Variants in MYOF observed in about 807,000 individuals in gnomAD.
The protein encoded by MYOF is fer-1-like 3, myoferlin.
A neutral mutation model predicts 284.2 loss-of-function variants in MYOF; 244 were observed. The observed-to-expected ratio is 0.86, with a 90% confidence interval of 0.77 to 0.95. The LOEUF (loss-of-function observed/expected upper bound fraction) is 0.95, where lower values mean the gene tolerates loss of function less well. Ranked by LOEUF, MYOF falls within the 40% of genes least tolerant of loss-of-function variation. The pLI, the probability that MYOF is intolerant of heterozygous loss-of-function variation, is 0.00. For missense variants in MYOF, 2,496 were observed against 2,560.6 expected (o/e 0.97, Z 0.54); for synonymous variants, 904 against 919.7 (o/e 0.98, Z 0.31).
chr10:93,443,944 A>G (rs72819022), intron 3 of MYOF, among the ~76,000 whole-genome samples: 21,334 of 152,216 alleles, frequency 0.14, 1,616 homozygotes, highest in Middle Eastern at 0.2. Context: ...GCCTGGCTCC[A>G]GAATCCCAAC....
chr10:93,354,028 T>C (rs1009378407), intron 31 of MYOF, 140 bp from the exon 32 acceptor site: 1 of 615,504 alleles, frequency 1.6e-6, no homozygotes, highest in Non-Finnish European at 2.7e-6. Flanking sequence ...AAAGAGCACA[T>C]AGAATAGTGA....
chr10:93,446,382 A>G (rs1341612610), intron 3 of MYOF, among the ~76,000 whole-genome samples: 1 of 152,216 alleles, frequency 6.6e-6, no homozygotes, highest in Non-Finnish European at 1.5e-5. Context: ...GTTACCGGGA[A>G]ATTAACTATT....
rs1011456422 is a variant in MYOF at position 93,482,287 on chromosome 10, C to G, written c.-93G>C. ...CGCACCGCCCTGGGAGAGAAGTTCTCTCCCAGTGAAGGGAGGATTTCTCCC... is the reference window on the plus strand; with the variant it reads ...CGCACCGCCCTGGGAGAGAAGTTCTGTCCCAGTGAAGGGAGGATTTCTCCC... On this transcript the variant is annotated 5_prime_UTR_variant, in exon 1 of 54. Coordinates refer to ENST00000359263, the MANE Select transcript of MYOF (RefSeq NM_013451.4). 1.8e-6 allele frequency: 2 copies of G among 1,083,104 alleles called. No homozygotes were observed. Among genetic ancestry groups the G allele is most frequent in the Admixed American group, 2.1e-5 (1 of 47,040 alleles). 67.1% of individuals were successfully genotyped at this position (1,083,104 alleles called of 1,614,324 possible).
chr10:93,467,251 G>C (rs1049594784), intron 1 of MYOF, among the ~76,000 whole-genome samples: 3 of 151,328 alleles, frequency 2.0e-5, no homozygotes, highest in Non-Finnish European at 4.4e-5. Context: ...GTGCCATGTT[G>C]GTGTGCTGCA....
intron 39 of MYOF, among the ~76,000 whole-genome samples, chr10:93,338,999 A>C: frequency 6.7e-6 from 1 of 150,184 alleles, no homozygotes. Context: ...AAGAAGGGAC[A>C]AGAAAGGCTA....
chr10:93,434,808 A>G (rs960151001), intron 3 of MYOF, among the ~76,000 whole-genome samples: 1 of 152,064 alleles, frequency 6.6e-6, no homozygotes, highest in Non-Finnish European at 1.5e-5. Flanking sequence ...TTTTTACAGG[A>G]GTATTTTTTT....
intron 24 of MYOF, 58 bp downstream of exon 24, chr10:93,372,872 C>T: frequency 1.9e-6 from 3 of 1,592,044 alleles, no homozygotes; most frequent in Non-Finnish European, 2.6e-6. Flanking sequence ...GCAGACCCTT[C>T]TCAGGAATAC....
chr10:93,319,879 G>A lies in MYOF; in HGVS notation c.5591C>T (p.Ala1864Val), dbSNP rs146626145. ...GCATATTTCAGAGCTCACTTTTTTC[G>A]CAACGATACAGAGTTGTTCGGCTGG... is the stretch of plus-strand genomic sequence containing the variant. Reference protein sequence around the residue: ...YLPAEQLCIVAKKEHFWSIDQ... With the variant: ...YLPAEQLCIVVKKEHFWSIDQ... Residue 1864 changes from alanine to valine, a missense_variant, in exon 49 of 54, where the codon GCG (alanine) becomes GTG (valine). Physicochemically the swap from Ala to Val is moderately conservative, Grantham distance 64. Around this residue, in one of 3 missense-constraint regions of MYOF, gnomAD observed 2,436 missense variants for 2,480.7 expected, o/e 0.98. Transcript: ENST00000359263. 3.1e-3 allele frequency: 4,962 copies of A among 1,613,702 alleles called. 15 individuals carry two copies. The highest frequency in any genetic ancestry group is 4.8e-3 in the Middle Eastern group (29 of 6,058).
At chr10:93,391,601 A>AT (rs1262517866) in intron 17 of MYOF, among the ~76,000 whole-genome samples, 2 of 151,652 alleles carry the variant, frequency 1.3e-5, no homozygotes, top group Non-Finnish European at 2.9e-5. Context: ...ATCTCAGAAA[A>AT]AAAAAAGAAA....
intron 50 of MYOF, among the ~76,000 whole-genome samples, chr10:93,316,301 C>A (rs1842608226): frequency 6.6e-6 from 1 of 151,010 alleles, no homozygotes; most frequent in Non-Finnish European, 1.5e-5. Flanking sequence ...GCCCTTACCA[C>A]AGAGGAGAAT....
At chr10:93,411,277 G>A (rs551451658) in intron 5 of MYOF, among the ~76,000 whole-genome samples, 1 of 152,284 alleles carries the variant, frequency 6.6e-6, no homozygotes, top group African/African-American at 2.4e-5. Context: ...CAAGATCAAG[G>A]CACCGGCGGA....
At chr10:93,417,541 G>A (rs912837371) in intron 5 of MYOF, among the ~76,000 whole-genome samples, 2 of 151,972 alleles carry the variant, frequency 1.3e-5, no homozygotes, top group African/African-American at 4.8e-5. Context: ...TTTCCCCAGT[G>A]CATATCAATG....
chr10:93,478,837 A>AGAGAG (rs60138667), intron 1 of MYOF, among the ~76,000 whole-genome samples: 1 of 87,190 alleles, frequency 1.1e-5, no homozygotes, highest in African/African-American at 3.8e-5. Context: ...AAAAAAAAAA[A>AGAGAG]AAAAAAGAAA....
At chr10:93,355,849 G>T (rs1339955033) in intron 30 of MYOF, 113 bp from the exon 31 acceptor site, 1 of 753,046 alleles carries the variant, frequency 1.3e-6, no homozygotes, top group Non-Finnish European at 2.2e-6. Context: ...TTTTAAAGAT[G>T]TTATCGTGCA....
chr10:93,391,648 A>G (rs139448652), intron 17 of MYOF, among the ~76,000 whole-genome samples: 76 of 152,212 alleles, frequency 5.0e-4, no homozygotes, highest in African/African-American at 1.5e-3. Context: ...TCATAAGCTA[A>G]ATCTCTTCCT....
At chr10:93,362,227 C>A (rs1013213435) in intron 27 of MYOF, among the ~76,000 whole-genome samples, 2 of 148,474 alleles carry the variant, frequency 1.3e-5, no homozygotes, top group Admixed American at 1.4e-4. Flanking sequence ...GGATTACAGG[C>A]GTGAGCAACC....
chr10:93,438,568 C>T (rs937676709), intron 3 of MYOF, among the ~76,000 whole-genome samples: 1 of 152,104 alleles, frequency 6.6e-6, no homozygotes, highest in Non-Finnish European at 1.5e-5. Context: ...ATTCCCAGAT[C>T]CCTGAGTCCG....
chr10:93,375,705 C>G (rs994389794), intron 22 of MYOF, among the ~76,000 whole-genome samples: 14 of 152,230 alleles, frequency 9.2e-5, no homozygotes, highest in African/African-American at 3.1e-4. Flanking sequence ...TCCTCATCAT[C>G]ATCTCGTTGT....
At chr10:93,387,130 A>G (rs544129040) in intron 19 of MYOF, among the ~76,000 whole-genome samples, 2 of 152,262 alleles carry the variant, frequency 1.3e-5, no homozygotes, top group South Asian at 4.1e-4. Flanking sequence ...AGCTTTTTAA[A>G]AGTTGCTGTT....
Sources: allele counts gnomAD v4.1 joint callset (sites outside exome capture counted in the v4.1 genomes callset), GRCh38; gene constraint gnomAD v4.1.1; regional missense constraint gnomAD v4.1.1; transcripts MANE v1.5; gene names NCBI Gene and HGNC (gene_info 2026-07-23, HGNC 2026-07-21).